Variants in CEP63 observed in about 807,000 individuals in gnomAD.
The protein encoded by CEP63 is centrosomal protein of 63 kDa.
CEP63 carries 84 observed loss-of-function variants against 89.1 expected under a neutral mutation model. The ratio of observed to expected loss-of-function variants is 0.94; its 90% CI spans 0.79 to 1.13. The LOEUF is 1.13. Ranked by LOEUF, CEP63 falls within the 50% of genes most tolerant of loss-of-function variation. The pLI is 0.00. For synonymous variants in CEP63, 267 were observed against 272.5 expected (o/e 0.98, Z 0.20); for missense variants, 838 against 813.3 (o/e 1.03, Z -0.37).
At chr3:134,525,885 C>T (rs1948553083) in intron 3 of CEP63, among the ~76,000 whole-genome samples, 1 of 152,114 alleles carries the variant, frequency 6.6e-6, no homozygotes, top group Non-Finnish European at 1.5e-5. Context: ...TTAGTTTCAA[C>T]CTTGGAGAAT....
Position 134,565,017 on chromosome 3 carries a change from T to C in CEP63, c.*3482T>C, listed in dbSNP as rs918711623. The C allele has an allele frequency of 6.2e-5, 59 of 950,314 alleles. No homozygotes were observed. The highest frequency in any genetic ancestry group is 7.0e-5 in the Non-Finnish European group (56 of 798,236). 58.9% of individuals were successfully genotyped at this position (950,314 alleles called of 1,614,324 possible). A position where few individuals can be genotyped will look rare whatever the true frequency, so the allele number is the denominator to read the frequency against. Reference sequence around the variant, plus strand: ...GATATATTAATACCAAATATTAAAATGTGTCAAGACTAAATCTGAGTTAGT... The same window carrying C: ...GATATATTAATACCAAATATTAAAACGTGTCAAGACTAAATCTGAGTTAGT... On this transcript the variant is annotated 3_prime_UTR_variant, in exon 15 of 15. Coordinates refer to ENST00000675561, the MANE Select transcript of CEP63 (RefSeq NM_001353108.3).
chr3:134,680,915 G>A, the CEP63 span, among the ~76,000 whole-genome samples: 165 of 152,344 alleles, frequency 1.1e-3, no homozygotes, highest in Non-Finnish European at 2.0e-3. Flanking sequence ...TTCAACTGTG[G>A]TGTCTTAATT....
chr3:134,673,419 C>T, the CEP63 span, among the ~76,000 whole-genome samples: 10 of 152,178 alleles, frequency 6.6e-5, no homozygotes, highest in African/African-American at 1.9e-4. Flanking sequence ...TCTTCCTTCC[C>T]TGCAATGCGT....
At chr3:134,506,730 G>A (rs940147000) in intron 2 of CEP63, among the ~76,000 whole-genome samples, 2 of 151,968 alleles carry the variant, frequency 1.3e-5, no homozygotes, top group Non-Finnish European at 2.9e-5. Flanking sequence ...AACCAGCCTG[G>A]CCTACATGGC....
the CEP63 span, chr3:134,627,783 G>A: frequency 1.9e-5 from 30 of 1,613,712 alleles, no homozygotes; most frequent in Admixed American, 1.7e-4. Context: ...CCAGGTTGCC[G>A]GGGTCTTGTG....
chr3:134,651,841 CAG>C, the CEP63 span, among the ~76,000 whole-genome samples: 5 of 152,190 alleles, frequency 3.3e-5, no homozygotes, highest in Non-Finnish European at 5.9e-5. Flanking sequence ...GCCCAGCCAA[CAG>C]CAGCAGGGGT....
At chr3:134,722,922 A>C in the CEP63 span, among the ~76,000 whole-genome samples, 10,998 of 152,266 alleles carry the variant, frequency 0.072, 723 homozygotes, top group African/African-American at 0.18. Context: ...GAGCAGAGCA[A>C]AAGCTGATAG....
chr3:134,720,550 T>C, the CEP63 span, among the ~76,000 whole-genome samples: 1 of 152,144 alleles, frequency 6.6e-6, no homozygotes, highest in Non-Finnish European at 1.5e-5. Context: ...CCTTAGATAA[T>C]AAAGATTCAC....
downstream of CEP63, among the ~76,000 whole-genome samples, chr3:134,575,461 G>A (rs141017737): frequency 5.8e-5 from 6 of 103,908 alleles, no homozygotes; most frequent in African/African-American, 1.3e-4. Flanking sequence ...GGCTCACTCT[G>A]TGGCCCTCTT....
the CEP63 span, among the ~76,000 whole-genome samples, chr3:134,626,728 T>A: frequency 6.6e-6 from 1 of 152,208 alleles, no homozygotes; most frequent in African/African-American, 2.4e-5. Flanking sequence ...TGAGAGGCAA[T>A]GCCCACTTAT....
At chr3:134,741,951 A>G in the CEP63 span, among the ~76,000 whole-genome samples, 1 of 152,086 alleles carries the variant, frequency 6.6e-6, no homozygotes, top group African/African-American at 2.4e-5. Flanking sequence ...AGTGGGAAAC[A>G]GTGAGCAAGT....
chr3:134,505,287 G>A (rs1375394320), intron 2 of CEP63, among the ~76,000 whole-genome samples: 1 of 151,650 alleles, frequency 6.6e-6, no homozygotes, highest in Non-Finnish European at 1.5e-5. Flanking sequence ...TTTCATATAG[G>A]TGTATCTATA....
the CEP63 span, among the ~76,000 whole-genome samples, chr3:134,726,261 G>A: frequency 1.3e-5 from 2 of 152,096 alleles, no homozygotes; most frequent in Non-Finnish European, 2.9e-5. Context: ...CACACACCTC[G>A]TGCCGGCCTC....
chr3:134,500,509 G>T (rs1389512698), intron 2 of CEP63, among the ~76,000 whole-genome samples: 3 of 152,080 alleles, frequency 2.0e-5, no homozygotes, highest in Non-Finnish European at 4.4e-5. Context: ...TTAGTTATTT[G>T]AGAAATCTCC....
chr3:134,571,508 C>T (rs891627927), intron 11 of CEP63, among the ~76,000 whole-genome samples: 5 of 152,130 alleles, frequency 3.3e-5, no homozygotes, highest in East Asian at 1.9e-4. Context: ...GGTGAAACCC[C>T]GTCTTTACTA....
chr3:134,749,734 A>AAAG, the CEP63 span, among the ~76,000 whole-genome samples: 1 of 142,758 alleles, frequency 7.0e-6, no homozygotes, highest in African/African-American at 2.6e-5. Context: ...AAAAAAAAAA[A>AAAG]GGAAAATGAT....
intron 10 of CEP63, among the ~76,000 whole-genome samples, chr3:134,549,772 T>A (rs1954401511): frequency 6.6e-6 from 1 of 152,176 alleles, no homozygotes; most frequent in African/African-American, 2.4e-5. Flanking sequence ...AGAATGAAGG[T>A]CACAAGTACT....
At chr3:134,735,901 C>A in the CEP63 span, among the ~76,000 whole-genome samples, 1 of 151,858 alleles carries the variant, frequency 6.6e-6, no homozygotes, top group African/African-American at 2.4e-5. Flanking sequence ...GGGACTAATC[C>A]CCCAACTCAT....
the CEP63 span, chr3:134,650,909 C>G: frequency 3.7e-6 from 6 of 1,613,220 alleles, no homozygotes; most frequent in South Asian, 3.3e-5. Flanking sequence ...TCCGAGTGCA[C>G]GATCAGCAGC....
Sources: gnomAD v4.1 joint callset for allele counts (sites outside exome capture counted in the v4.1 genomes callset) on GRCh38, gnomAD v4.1.1 for gene constraint, MANE v1.5 for transcripts, NCBI Gene and HGNC (gene_info 2026-07-23, HGNC 2026-07-21) for gene names.